Variants in MAPK8IP3 observed in about 807,000 individuals in gnomAD.
MAPK8IP3 encodes the protein mitogen-activated protein kinase 8 interacting protein 3.
MAPK8IP3 carries 49 observed loss-of-function variants against 157.8 expected under a neutral mutation model. The observed-to-expected ratio is 0.31, with a 90% CI of 0.25 to 0.39. MAPK8IP3 has a LOEUF of 0.39. MAPK8IP3 is among the 10% of genes least tolerant of loss of function. MAPK8IP3 has a pLI of 1.00. For synonymous variants in MAPK8IP3, 897 were observed against 777.7 expected, an observed-to-expected ratio of 1.15 and a Z score of -2.55; for missense variants, 1,478 against 1,889.4, an observed-to-expected ratio of 0.78 and a Z score of 4.04.
intron 8 of MAPK8IP3, among the ~76,000 whole-genome samples, chr16:1,750,538 T>G (rs1194848186): frequency 6.6e-6 from 1 of 151,966 alleles, no homozygotes; most frequent in Non-Finnish European, 1.5e-5. Context: ...TTAGCTATTT[T>G]TTTTATTTTT....
intron 5 of MAPK8IP3, chr16:1,744,074 C>T: frequency 1.0e-6 from 1 of 988,176 alleles, no homozygotes; most frequent in Non-Finnish European, 1.2e-6. Context: ...CAGGTTCTCA[C>T]AGCCAGCCGG....
chr16:1,750,093 A>T (rs1369638856), intron 8 of MAPK8IP3, among the ~76,000 whole-genome samples: 1 of 152,160 alleles, frequency 6.6e-6, no homozygotes, highest in Non-Finnish European at 1.5e-5. Flanking sequence ...GTGTTGCAAA[A>T]ATATATATAA....
chr16:1,764,976 G>A (rs775724181), intron 19 of MAPK8IP3, 37 bp from the exon 20 acceptor site: 8 of 1,579,144 alleles, frequency 5.1e-6, no homozygotes, highest in Non-Finnish European at 8.7e-7. Flanking sequence ...GTAGCCTCAA[G>A]CTCGGGCTCT....
At chr16:1,763,064 T>G (rs975690557) in intron 16 of MAPK8IP3, 58 bp downstream of exon 16, 102 of 1,594,944 alleles carry the variant, frequency 6.4e-5, no homozygotes, top group Non-Finnish European at 8.4e-5. Flanking sequence ...GGCCCTGTCC[T>G]GAGGCTCCTC....
intron 4 of MAPK8IP3, chr16:1,734,980 C>G (rs993940526): frequency 6.5e-6 from 1 of 154,676 alleles, no homozygotes; most frequent in Non-Finnish European, 1.5e-5. Flanking sequence ...ACATGTGTGC[C>G]GTCACCACGT....
At chr16:1,729,313 T>G in intron 3 of MAPK8IP3, 105 bp downstream of exon 3, 1 of 1,380,368 alleles carries the variant, frequency 7.2e-7, no homozygotes, top group Non-Finnish European at 1.0e-6. Context: ...CATGTCCCTT[T>G]TCTAGCATTT....
At chr16:1,712,810 G>A (rs899900544) in intron 1 of MAPK8IP3, among the ~76,000 whole-genome samples, 16 of 152,126 alleles carry the variant, frequency 1.1e-4, no homozygotes, top group South Asian at 4.1e-4. Flanking sequence ...TGCCGGATTC[G>A]CTGGTGTCTG....
chr16:1,751,701 T>G lies in MAPK8IP3; in HGVS notation c.1216+2981T>G, dbSNP rs1335157891. Reference sequence around the variant, plus strand: ...CCCCCAAAAGGAAACCCCGTGCCCATGAGCAGTCGCTTTGTCTGCCCCTCG... The same window carrying G: ...CCCCCAAAAGGAAACCCCGTGCCCAGGAGCAGTCGCTTTGTCTGCCCCTCG... On this transcript the variant is annotated intron_variant, in intron 8 of 31. Transcript: ENST00000610761. The surrounding 1 kb of genome is among the most constrained non-coding windows in gnomAD (Gnocchi z 5.0). The G allele has an allele frequency of 6.6e-6, 1 of 152,252 alleles. No individual in the cohort carries two copies. Among genetic ancestry groups the G allele is most frequent in the Non-Finnish European group, 1.5e-5 (1 of 68,080 alleles). The allele number at this position is 152,252 out of a possible 1,614,324, so 9.4% of individuals were successfully genotyped here. A position where few individuals can be genotyped will look rare whatever the true frequency, so the allele number is the denominator to read the frequency against.
intron 4 of MAPK8IP3, among the ~76,000 whole-genome samples, chr16:1,736,460 CCA>C (rs2039841137): frequency 3.2e-5 from 1 of 31,608 alleles, no homozygotes; most frequent in Non-Finnish European, 5.2e-5. Flanking sequence ...GAGCGTGTGA[CCA>C]TCCATGTGAG....
chr16:1,752,928 C>T (rs973715679), intron 8 of MAPK8IP3, among the ~76,000 whole-genome samples: 9 of 152,302 alleles, frequency 5.9e-5, no homozygotes, highest in African/African-American at 1.9e-4. Context: ...ATCAACTCGC[C>T]CCATGTCCAG....
chr16:1,752,864 C>T (rs992179362), intron 8 of MAPK8IP3, among the ~76,000 whole-genome samples: 1 of 152,182 alleles, frequency 6.6e-6, no homozygotes, highest in Non-Finnish European at 1.5e-5. Flanking sequence ...GAGGAGCCTG[C>T]TCTCTGGCAA....
chr16:1,750,045 A>G (rs1248014977), intron 8 of MAPK8IP3, among the ~76,000 whole-genome samples: 1 of 152,158 alleles, frequency 6.6e-6, no homozygotes, highest in African/African-American at 2.4e-5. Flanking sequence ...GTGAGGGCGC[A>G]CTTTGGTGCT....
At chr16:1,753,445 A>ATTTTT (rs199784594) in intron 8 of MAPK8IP3, among the ~76,000 whole-genome samples, 1 of 149,014 alleles carries the variant, frequency 6.7e-6, no homozygotes, top group Admixed American at 6.7e-5. Flanking sequence ...TTATTTATTT[A>ATTTTT]TTTATTTATT....
intron 16 of MAPK8IP3, 144 bp from the exon 17 acceptor site, chr16:1,763,513 C>G: frequency 8.2e-7 from 1 of 1,225,260 alleles, no homozygotes; most frequent in Non-Finnish European, 1.1e-6. Flanking sequence ...AGCCACCCTT[C>G]CCAGCTGGGC....
At position 1,768,833 on chromosome 16, in the gene MAPK8IP3, C is replaced by T. The variant is rs1331915573; in HGVS notation, c.*9C>T. The T allele has an allele frequency of 6.2e-7, 1 of 1,611,354 alleles. No individual in the cohort carries two copies. Among genetic ancestry groups the T allele is most frequent in the Non-Finnish European group, 8.5e-7 (1 of 1,179,632 alleles). On this transcript the variant is annotated 3_prime_UTR_variant, in exon 32 of 32. Transcript: ENST00000610761. ...CCTACACCCCCGAGTGAAGCTGCTG[C>T]CCTGCCTGGCCCGACCTGTACATAG...
At position 1,764,315 on chromosome 16, in the gene MAPK8IP3, G is replaced by A. The variant is rs769514232; in HGVS notation, c.2136G>A (p.Ala712=). Residue 712 remains alanine, a synonymous_variant, in exon 19 of 32, where the codon GCG becomes GCA. Transcript: ENST00000610761. ...KDPTMKLWCA[A]GVNLSGWRPN... is the part of the protein sequence containing the mutation. ...TGCCCTTGCAGCTGTGGTGTGCCGC[G>A]GGCGTCAACCTGAGCGGGTGGAGGC... The A allele has an allele frequency of 6.3e-6, 10 of 1,576,786 alleles. No individual in the cohort carries two copies. The highest frequency in any genetic ancestry group is 7.7e-6 in the Non-Finnish European group (9 of 1,162,610).
At position 1,741,164 on chromosome 16, in the gene MAPK8IP3, ACCC is replaced by A. The variant is rs538943592; in HGVS notation, c.603-2165_603-2163del. Among the ~76,000 whole-genome samples, 10 of 151,404 alleles carry A rather than the reference ACCC, an allele frequency of 6.6e-5. No individual in the cohort carries two copies. In the South Asian group the frequency reaches 1.9e-3, roughly 29 times the overall value. On this transcript the variant is annotated intron_variant, in intron 4 of 31. Coordinates refer to ENST00000610761, the MANE Select transcript of MAPK8IP3 (RefSeq NM_001318852.2). The surrounding 1 kb of genome is among the most constrained non-coding windows in gnomAD (Gnocchi z 6.9). ...TGTCAGAGCCGGTGACACACCCATG[ACCC>A]CCAAGGGCAGCGTGACCCCCGAGGG...
intron 13 of MAPK8IP3, 33 bp downstream of exon 13, chr16:1,761,338 C>T (rs761887709): frequency 5.0e-6 from 8 of 1,585,072 alleles, no homozygotes; most frequent in African/African-American, 1.3e-5. Context: ...ACATGCGGGG[C>T]GTCCACCATT....
chr16:1,761,881 G>A (rs1567201557), intron 13 of MAPK8IP3, among the ~76,000 whole-genome samples: 2 of 152,210 alleles, frequency 1.3e-5, no homozygotes, highest in African/African-American at 4.8e-5. Context: ...ATGGGGATGC[G>A]GGGTGCCTCC....
Sources: gnomAD v4.1 joint callset for allele counts (sites outside exome capture counted in the v4.1 genomes callset) on GRCh38, gnomAD v4.1.1 for gene constraint, Gnocchi (gnomAD v3.1) non-coding constraint, MANE v1.5 for transcripts, NCBI Gene and HGNC (gene_info 2026-07-23, HGNC 2026-07-21) for gene names.